Variants in ROBO1 observed in about 807,000 individuals in gnomAD.
ROBO1 encodes the protein roundabout guidance receptor 1, also known as roundabout homolog 1.
Under a neutral mutation model 195.9 loss-of-function variants are expected in ROBO1, and 149 were observed. That is an observed-to-expected ratio of 0.76 (90% CI 0.67 to 0.87). The LOEUF (loss-of-function observed/expected upper bound fraction) is 0.87. Ranked by LOEUF, ROBO1 falls within the 40% of genes least tolerant of loss-of-function variation. The pLI, the probability that ROBO1 is intolerant of heterozygous loss-of-function variation, is 0.00. For synonymous variants in ROBO1, 816 were observed against 733.2 expected, an observed-to-expected ratio of 1.11 and a Z score of -1.82; for missense variants, 1,933 against 2,068.3, an observed-to-expected ratio of 0.93 and a Z score of 1.27.
intron 1 of ROBO1, among the ~76,000 whole-genome samples, chr3:79,764,944 C>G (rs985676320): frequency 1.3e-5 from 2 of 152,168 alleles, no homozygotes; most frequent in Non-Finnish European, 2.9e-5. Context: ...GAGTCTCTCC[C>G]CTCCTCCCAT....
chr3:78,781,157 C>G (rs1239305485), intron 4 of ROBO1, among the ~76,000 whole-genome samples: 1 of 152,092 alleles, frequency 6.6e-6, no homozygotes, highest in Admixed American at 6.5e-5. Context: ...TTGCCCTTAT[C>G]CATTTCCTCT....
intron 2 of ROBO1, among the ~76,000 whole-genome samples, chr3:79,327,874 CG>C (rs2034277750): frequency 6.6e-6 from 1 of 152,090 alleles, no homozygotes; most frequent in African/African-American, 2.4e-5. Context: ...GGAAATAGCA[CG>C]CCACTACATG....
chr3:78,945,500 A>G (rs1373302113), intron 3 of ROBO1, among the ~76,000 whole-genome samples: 5 of 152,194 alleles, frequency 3.3e-5, no homozygotes, highest in Non-Finnish European at 7.4e-5. Flanking sequence ...AAGGACATCC[A>G]CACCAAAAAC....
chr3:78,831,939 C>T (rs1286754744), intron 4 of ROBO1, among the ~76,000 whole-genome samples: 1 of 152,076 alleles, frequency 6.6e-6, no homozygotes, highest in Non-Finnish European at 1.5e-5. Flanking sequence ...TGGGTCCCTC[C>T]CACAAAACAT....
chr3:78,844,765 C>T (rs1011293059), intron 4 of ROBO1, among the ~76,000 whole-genome samples: 2 of 152,000 alleles, frequency 1.3e-5, no homozygotes, highest in African/African-American at 2.4e-5. Flanking sequence ...AGAAAGTATA[C>T]ATTCTGTGAA....
intron 2 of ROBO1, among the ~76,000 whole-genome samples, chr3:79,523,728 C>A (rs1208014588): frequency 6.6e-6 from 1 of 152,094 alleles, no homozygotes; most frequent in African/African-American, 2.4e-5. Flanking sequence ...CTCGCCTTGG[C>A]CTCCCAAAGT....
At chr3:79,398,151 GT>G (rs1311819466) in intron 2 of ROBO1, among the ~76,000 whole-genome samples, 1 of 151,828 alleles carries the variant, frequency 6.6e-6, no homozygotes, top group Non-Finnish European at 1.5e-5. Context: ...TGTCTGCCCT[GT>G]TCTCTGATTC....
At chr3:78,714,281 A>T in intron 8 of ROBO1, 116 bp downstream of exon 8, 1 of 999,412 alleles carries the variant, frequency 1.0e-6, no homozygotes, top group Non-Finnish European at 1.4e-6. Context: ...TACATTATTT[A>T]GAGCAATACT....
intron 1 of ROBO1, among the ~76,000 whole-genome samples, chr3:79,658,207 G>T (rs4856447): frequency 0.59 from 89,258 of 151,828 alleles, 26,614 homozygotes; most frequent in African/African-American, 0.67. Context: ...CAATTCTAGC[G>T]GACTTGATGG....
chr3:78,855,156 A>AGC (rs1193686854), intron 4 of ROBO1, among the ~76,000 whole-genome samples: 5 of 152,136 alleles, frequency 3.3e-5, no homozygotes, highest in African/African-American at 1.2e-4. Context: ...ATAAGCCTGA[A>AGC]GCCACTAAAC....
At chr3:78,708,149 C>T (rs571466698) in intron 8 of ROBO1, among the ~76,000 whole-genome samples, 1 of 152,094 alleles carries the variant, frequency 6.6e-6, no homozygotes, top group Admixed American at 6.5e-5. Flanking sequence ...TCTAGTTCAC[C>T]CTGTTTAAGC....
chr3:78,993,498 T>C (rs1361746935), intron 3 of ROBO1, among the ~76,000 whole-genome samples: 1 of 152,146 alleles, frequency 6.6e-6, no homozygotes, highest in East Asian at 1.9e-4. Flanking sequence ...AATACACTTA[T>C]ATATGTAGTT....
At chr3:79,221,788 A>T (rs1467988106) in intron 2 of ROBO1, among the ~76,000 whole-genome samples, 1 of 152,116 alleles carries the variant, frequency 6.6e-6, no homozygotes, top group East Asian at 1.9e-4. Flanking sequence ...TAAAAATTCA[A>T]GTAAACATTA....
intron 1 of ROBO1, among the ~76,000 whole-genome samples, chr3:79,698,726 G>A (rs2107140033): frequency 6.6e-6 from 1 of 151,622 alleles, no homozygotes; most frequent in South Asian, 2.1e-4. Flanking sequence ...TAGAGAGAAA[G>A]TATTGCTGGC....
At chr3:78,718,987 A>G (rs1322710662) in intron 5 of ROBO1, among the ~76,000 whole-genome samples, 1 of 152,228 alleles carries the variant, frequency 6.6e-6, no homozygotes, top group African/African-American at 2.4e-5. Flanking sequence ...AGGTCCCCTC[A>G]CAGTTTTGAA....
intron 2 of ROBO1, among the ~76,000 whole-genome samples, chr3:79,549,395 C>T (rs768154915): frequency 5.3e-5 from 8 of 152,190 alleles, no homozygotes; most frequent in Non-Finnish European, 1.2e-4. Context: ...ACTCAGAAAA[C>T]ACAACCAACC....
rs576592396 is a variant in ROBO1 at position 78,938,954 on chromosome 3, C to T, written c.173-27G>A. ...TGCAGAAGAATTCACAAAATATCTT[C>T]GTATATCACTTGAAAACAGTTAATC... On this transcript the variant is annotated intron_variant, in intron 3 of 30. Transcript: ENST00000464233. The T allele has an allele frequency of 1.9e-5, 29 of 1,559,400 alleles. 1 individual carries two copies. Among genetic ancestry groups the T allele is most frequent in the Middle Eastern group, 3.4e-4 (2 of 5,804 alleles).
chr3:79,564,495 AT>A (rs1205292186), intron 2 of ROBO1, among the ~76,000 whole-genome samples: 1 of 152,144 alleles, frequency 6.6e-6, no homozygotes, highest in Admixed American at 6.6e-5. Flanking sequence ...AAAAGAAAGT[AT>A]GTAATGGAGT....
chr3:78,640,661 C>T lies in ROBO1; in HGVS notation c.2883-763G>A, dbSNP rs189734661. Among the ~76,000 whole-genome samples the T allele has an allele frequency of 1.4e-3, 212 of 152,216 alleles. 1 individual carries two copies. The highest frequency in any genetic ancestry group is 4.8e-3 in the African/African-American group (198 of 41,532). On this transcript the variant is annotated intron_variant, in intron 21 of 30. Coordinates refer to ENST00000464233, the MANE Select transcript of ROBO1 (RefSeq NM_002941.4). ...GCATTGGGAATGCCAAGTACATCAG[C>T]GATTATTAATGGGAGCCTTGGACCA...
Sources: gnomAD v4.1 joint callset for allele counts (sites outside exome capture counted in the v4.1 genomes callset) on GRCh38, gnomAD v4.1.1 for gene constraint, MANE v1.5 for transcripts, NCBI Gene and HGNC (gene_info 2026-07-23, HGNC 2026-07-21) for gene names.